DGKD: variants seen among roughly 807,000 people sequenced by gnomAD.
DGKD encodes diacylglycerol kinase delta, also known as DAG kinase delta.
A neutral mutation model predicts 154.4 loss-of-function variants in DGKD; 68 were observed. The ratio of observed to expected loss-of-function variants is 0.44; its 90% CI spans 0.36 to 0.54. The LOEUF (loss-of-function observed/expected upper bound fraction) is 0.54, where lower values mean the gene tolerates loss of function less well. Among genes scored for constraint, DGKD ranks in the 20% least tolerant of loss-of-function variants. DGKD has a pLI of 0.00. For missense variants in DGKD, 1,343 were observed against 1,593.6 expected (o/e 0.84, Z 2.68); for synonymous variants, 693 against 638.0 (o/e 1.09, Z -1.30).
chr2:233,442,217 A>G (rs1559554718), intron 10 of DGKD: 2 of 667,116 alleles, frequency 3.0e-6, no homozygotes, highest in South Asian at 3.0e-5. Context: ...ATGATGTATG[A>G]GGGGGACCTG....
intron 1 of DGKD, among the ~76,000 whole-genome samples, chr2:233,387,743 G>T (rs982324177): frequency 6.6e-6 from 1 of 152,322 alleles, no homozygotes; most frequent in South Asian, 2.1e-4. Context: ...CGCCAGGCCT[G>T]TGAGTGGTGG....
At chr2:233,359,758 G>C (rs942396398) in intron 1 of DGKD, among the ~76,000 whole-genome samples, 1 of 152,156 alleles carries the variant, frequency 6.6e-6, no homozygotes, top group Non-Finnish European at 1.5e-5. Context: ...TAACTGTTGT[G>C]CGAGGCACCA....
At chr2:233,370,232 T>A (rs1299627126) in intron 1 of DGKD, among the ~76,000 whole-genome samples, 1 of 152,166 alleles carries the variant, frequency 6.6e-6, no homozygotes, top group Non-Finnish European at 1.5e-5. Flanking sequence ...ATTTATTTTT[T>A]AGATACAGTC....
intron 12 of DGKD, 79 bp downstream of exon 12, chr2:233,446,875 C>G: frequency 6.6e-7 from 1 of 1,525,570 alleles, no homozygotes; most frequent in Non-Finnish European, 9.0e-7. Context: ...TGCATCACCT[C>G]CCTTGCAGAG....
intron 10 of DGKD, 106 bp downstream of exon 10, chr2:233,442,101 C>T: frequency 9.5e-7 from 1 of 1,058,008 alleles, no homozygotes; most frequent in Non-Finnish European, 1.4e-6. Context: ...TGTTCTCAGG[C>T]CAGAAACCAT....
At chr2:233,456,806 G>A in intron 19 of DGKD, 93 bp from the exon 20 acceptor site, 2 of 912,302 alleles carry the variant, frequency 2.2e-6, no homozygotes, top group Non-Finnish European at 1.8e-6. Context: ...TGATTTGTGG[G>A]TCAGATGCTG....
In DGKD at chr2:233,448,378, C is replaced by G. The variant is rs750028047; in HGVS notation, c.1614+3C>G. 2.5e-6 allele frequency: 4 copies of G among 1,613,434 alleles called. No individual in the cohort carries two copies. The Admixed American group carries it at 6.7e-5, about 27-fold the overall frequency. On this transcript the variant is annotated splice_donor_region_variant and intron_variant, in intron 14 of 29. Coordinates refer to ENST00000264057, the MANE Select transcript of DGKD (RefSeq NM_152879.3). ...AGTCAGAGGTCATGGCCAAGAAGGTCTGTTCCCGTGCCCTGGGTGGGAGGG... is the reference window on the plus strand; with the variant it reads ...AGTCAGAGGTCATGGCCAAGAAGGTGTGTTCCCGTGCCCTGGGTGGGAGGG...
chr2:233,461,857 T>G (rs1422628775), intron 24 of DGKD, among the ~76,000 whole-genome samples: 3 of 152,252 alleles, frequency 2.0e-5, no homozygotes, highest in Non-Finnish European at 4.4e-5. Context: ...GTGTGACTTG[T>G]GCTCTCACCG....
chr2:233,392,535 A>G (rs944537521), intron 3 of DGKD: 2 of 152,322 alleles, frequency 1.3e-5, no homozygotes, highest in South Asian at 4.1e-4. Flanking sequence ...TGGATACATA[A>G]TAGTTGGACA....
At chr2:233,425,571 G>C (rs1470642612) in intron 3 of DGKD, among the ~76,000 whole-genome samples, 1 of 152,174 alleles carries the variant, frequency 6.6e-6, no homozygotes, top group South Asian at 2.1e-4. Flanking sequence ...AAGATATAAA[G>C]TGTTTCCCAG....
At chr2:233,439,717 A>G (rs949300663) in intron 9 of DGKD, among the ~76,000 whole-genome samples, 1 of 151,726 alleles carries the variant, frequency 6.6e-6, no homozygotes, top group Non-Finnish European at 1.5e-5. Flanking sequence ...GTGTACCACT[A>G]TGCCCAGCTA....
At chr2:233,451,221 A>T (rs577557595) in intron 17 of DGKD, among the ~76,000 whole-genome samples, 171 bp downstream of exon 17, 2,815 of 112,846 alleles carry the variant, frequency 0.025, 33 homozygotes, top group Non-Finnish European at 0.034. Context: ...TTTTTTTTTT[A>T]AAAACAAAAA....
rs1336802526 is a variant in DGKD, at chr2:233,452,546, T to G, written c.2264+486T>G. Among the ~76,000 whole-genome samples the G allele has an allele frequency of 6.6e-6, 1 of 152,168 alleles. No homozygotes were observed. Among genetic ancestry groups the G allele is most frequent in the Non-Finnish European group, 1.5e-5 (1 of 68,020 alleles). The stretch of plus-strand genomic sequence containing the variant: ...ACTCTGAGCTGGAGGGTCCTCTGTG[T>G]GTCTCCCTTGTGTCTCCGAGCACCT... On this transcript the variant is annotated intron_variant, in intron 18 of 29. Transcript: ENST00000264057. The surrounding 1 kb of genome is among the most constrained non-coding windows in gnomAD (Gnocchi z 4.0).
rs998205134 is a variant in DGKD at position 233,429,035 on chromosome 2, A to G, written c.349-5345A>G. 3.9e-6 allele frequency: 3 copies of G among 766,454 alleles called. No homozygotes were observed. In the African/African-American group the frequency reaches 5.7e-5, roughly 15 times the overall value. 47.5% of individuals were successfully genotyped at this position (766,454 alleles called of 1,614,324 possible). A position where few individuals can be genotyped will look rare whatever the true frequency, so the allele number is the denominator to read the frequency against. ...TCTTAACTCACTGTCTTTAAACCTA[A>G]TGCTTTTGTCTATAATTTGCTGTCT... On this transcript the variant is annotated intron_variant, in intron 3 of 29. Coordinates refer to ENST00000264057, the MANE Select transcript of DGKD (RefSeq NM_152879.3).
chr2:233,447,793 G>A (rs564633662), intron 12 of DGKD: 499 of 1,189,164 alleles, frequency 4.2e-4, no homozygotes, highest in Non-Finnish European at 5.1e-4. Flanking sequence ...ATGAGTAGGG[G>A]TCAGGACGGA....
intron 3 of DGKD, among the ~76,000 whole-genome samples, chr2:233,428,676 T>C (rs139784599): frequency 6.6e-6 from 1 of 152,290 alleles, no homozygotes; most frequent in East Asian, 1.9e-4. Flanking sequence ...ACTCAGGGAA[T>C]GTGCCAGGCC....
rs146113994 is a variant in DGKD at position 233,369,473 on chromosome 2, C to T, written c.156+14799C>T. Among the ~76,000 whole-genome samples, 481 of 152,320 alleles carry T rather than the reference C, an allele frequency of 3.2e-3. 1 individual carries two copies. Among genetic ancestry groups the T allele is most frequent in the African/African-American group, 0.011 (446 of 41,572 alleles). The stretch of plus-strand genomic sequence containing the variant: ...ATTTTAACTTTTTAAATAAAGGCCA[C>T]GTCTTCCTGCATCTTAGGACAAGAA... On this transcript the variant is annotated intron_variant, in intron 1 of 29. Coordinates refer to ENST00000264057, the MANE Select transcript of DGKD (RefSeq NM_152879.3).
At chr2:233,435,566 G>A (rs1036476517) in intron 5 of DGKD, among the ~76,000 whole-genome samples, 8 of 152,166 alleles carry the variant, frequency 5.3e-5, no homozygotes, top group East Asian at 1.9e-4. Flanking sequence ...AGCTGGTTGC[G>A]ACCTGCAGAG....
At chr2:233,371,110 T>G (rs1356222307) in intron 1 of DGKD, among the ~76,000 whole-genome samples, 4 of 152,178 alleles carry the variant, frequency 2.6e-5, no homozygotes, top group African/African-American at 9.7e-5. Flanking sequence ...GATAATTCTG[T>G]GTTTATCTTA....
Sources: gnomAD v4.1 joint callset for allele counts (sites outside exome capture counted in the v4.1 genomes callset) on GRCh38, gnomAD v4.1.1 for gene constraint, Gnocchi (gnomAD v3.1) non-coding constraint, MANE v1.5 for transcripts, NCBI Gene and HGNC (gene_info 2026-07-23, HGNC 2026-07-21) for gene names.